Variants in RALGPS1 observed in about 807,000 individuals in gnomAD.
RALGPS1 encodes the protein ras-specific guanine nucleotide-releasing factor RalGPS1.
In RALGPS1, 19 loss-of-function variants were observed where a neutral mutation model predicts 78.8. The observed-to-expected ratio is 0.24, with a 90% confidence interval of 0.17 to 0.35. The LOEUF (loss-of-function observed/expected upper bound fraction) is 0.35. RALGPS1 is among the 10% of genes least tolerant of loss of function. The pLI, the probability that RALGPS1 is intolerant of heterozygous loss-of-function variation, is 1.00. For missense variants in RALGPS1, 454 were observed against 688.3 expected (o/e 0.66, Z 3.81); for synonymous variants, 228 against 256.3 (o/e 0.89, Z 1.06).
At chr9:127,117,642 G>C (rs927718657) in intron 8 of RALGPS1, among the ~76,000 whole-genome samples, 4 of 152,250 alleles carry the variant, frequency 2.6e-5, no homozygotes, top group South Asian at 2.1e-4. Flanking sequence ...GAGAGGAATG[G>C]TGTGGCACCC....
At chr9:127,038,968 C>T (rs1470918081) in intron 5 of RALGPS1, among the ~76,000 whole-genome samples, 1 of 152,148 alleles carries the variant, frequency 6.6e-6, no homozygotes, top group Non-Finnish European at 1.5e-5. Context: ...ATCCTTGAGA[C>T]AGTGAACACA....
chr9:127,002,406 A>G (rs2043397608), intron 4 of RALGPS1, among the ~76,000 whole-genome samples: 1 of 142,484 alleles, frequency 7.0e-6, no homozygotes, highest in African/African-American at 2.6e-5. Flanking sequence ...GTTTGGAGCT[A>G]TTATGAGTAG....
At chr9:127,034,410 A>G in intron 4 of RALGPS1, 21 bp from the exon 5 acceptor site, 5 of 1,607,032 alleles carry the variant, frequency 3.1e-6, no homozygotes, top group Admixed American at 1.7e-5. Context: ...TCACTGTTGA[A>G]ATTCATTCTG....
chr9:126,932,953 C>T (rs2035929135), intron 1 of RALGPS1, among the ~76,000 whole-genome samples: 1 of 152,146 alleles, frequency 6.6e-6, no homozygotes, highest in South Asian at 2.1e-4. Flanking sequence ...GGGTGAGCTT[C>T]ATGCTATTCA....
intron 1 of RALGPS1, among the ~76,000 whole-genome samples, chr9:126,950,926 CTAATAAAGAA>C (rs1484688687): frequency 6.6e-6 from 1 of 150,672 alleles, no homozygotes; most frequent in Non-Finnish European, 1.5e-5. Context: ...GCTAGCAAGA[CTAATAAAGAA>C]AAAAAGAGAG....
At chr9:127,186,355 C>T (rs1199313580) in intron 11 of RALGPS1, among the ~76,000 whole-genome samples, 3 of 152,198 alleles carry the variant, frequency 2.0e-5, no homozygotes, top group African/African-American at 4.8e-5. Flanking sequence ...TCCAGCTGTC[C>T]GTGCCATATC....
chr9:127,105,833 A>G (rs1206978787), intron 8 of RALGPS1, among the ~76,000 whole-genome samples: 1 of 152,178 alleles, frequency 6.6e-6, no homozygotes, highest in East Asian at 1.9e-4. Flanking sequence ...AGGGACCACA[A>G]TTGTCACCTA....
Position 127,214,753 on chromosome 9 carries a change from A to C in RALGPS1, c.1555A>C (p.Asn519His). The change falls in exon 18 of 19, where the codon AAT (asparagine) becomes CAT (histidine). Residue 519 changes from asparagine (N) to histidine (H), a missense_variant and splice_region_variant. Physicochemically the swap from Asn to His is moderately conservative, Grantham distance 68. Transcript: ENST00000259351. Reference protein sequence around the residue: ...IFQLNNPDKGNVYKFQTGSRF... With the variant: ...IFQLNNPDKGHVYKFQTGSRF... ...CTCATGGTTTCTCTACCCATCAGGC[A>C]ATGTTTACAAGTTTCAGACTGGTTC... 6.2e-7 allele frequency: 1 copy of C among 1,606,634 alleles called. No homozygotes were observed.
intron 1 of RALGPS1, among the ~76,000 whole-genome samples, chr9:126,917,836 G>C (rs1462173534): frequency 1.3e-5 from 2 of 152,190 alleles, no homozygotes; most frequent in African/African-American, 4.8e-5. Flanking sequence ...TCCAGACCTT[G>C]GGTTTCTTAG....
chr9:126,929,008 A>G (rs1431497638), intron 1 of RALGPS1, among the ~76,000 whole-genome samples: 2 of 152,054 alleles, frequency 1.3e-5, no homozygotes, highest in Non-Finnish European at 2.9e-5. Context: ...TATTGCATGG[A>G]TTTGGTGGCA....
chr9:126,932,066 T>G (rs755736834), intron 1 of RALGPS1, among the ~76,000 whole-genome samples: 3 of 152,184 alleles, frequency 2.0e-5, no homozygotes, highest in Admixed American at 6.5e-5. Flanking sequence ...GTGGAAACCT[T>G]AGCATATTTG....
intron 8 of RALGPS1, chr9:127,089,037 A>G: frequency 6.2e-7 from 1 of 1,614,212 alleles, no homozygotes; most frequent in Non-Finnish European, 8.5e-7. Flanking sequence ...CCGTCCTGGT[A>G]GCGGCTCCGG....
chr9:127,022,211 C>T (rs1175673773), intron 4 of RALGPS1, among the ~76,000 whole-genome samples: 1 of 152,076 alleles, frequency 6.6e-6, no homozygotes, highest in Admixed American at 6.5e-5. Flanking sequence ...TCTGGGGCCT[C>T]GGGAGGCCCT....
At chr9:126,949,324 A>G (rs1370886253) in intron 1 of RALGPS1, among the ~76,000 whole-genome samples, 3 of 152,136 alleles carry the variant, frequency 2.0e-5, no homozygotes, top group African/African-American at 7.2e-5. Context: ...TTGGGTATAT[A>G]CCCAGTAATG....
intron 7 of RALGPS1, among the ~76,000 whole-genome samples, chr9:127,057,588 C>T (rs941630798): frequency 6.6e-6 from 1 of 152,172 alleles, no homozygotes; most frequent in African/African-American, 2.4e-5. Context: ...CCATAGCTGG[C>T]CTGGAAAAAT....
intron 7 of RALGPS1, among the ~76,000 whole-genome samples, chr9:127,067,032 A>C (rs1277572615): frequency 6.6e-6 from 1 of 152,120 alleles, no homozygotes; most frequent in Non-Finnish European, 1.5e-5. Flanking sequence ...CCTGTGTTGA[A>C]TCAAGTTCCC....
chr9:127,127,244 G>A (rs752636227), intron 8 of RALGPS1, among the ~76,000 whole-genome samples: 2 of 152,134 alleles, frequency 1.3e-5, no homozygotes, highest in Non-Finnish European at 2.9e-5. Flanking sequence ...GTGTGTCACC[G>A]TGAACTGGGA....
intron 8 of RALGPS1, among the ~76,000 whole-genome samples, chr9:127,102,867 C>G (rs537432551): frequency 6.6e-6 from 1 of 152,198 alleles, no homozygotes; most frequent in African/African-American, 2.4e-5. Flanking sequence ...TTAACAAAAC[C>G]TTTTAGAATA....
At chr9:127,207,846 C>T (rs1297884989) in intron 14 of RALGPS1, among the ~76,000 whole-genome samples, 1 of 152,224 alleles carries the variant, frequency 6.6e-6, no homozygotes, top group Non-Finnish European at 1.5e-5. Flanking sequence ...GGCCTGGGGT[C>T]GCTCCCCGTG....
Sources: gnomAD v4.1 joint callset for allele counts (sites outside exome capture counted in the v4.1 genomes callset) on GRCh38, gnomAD v4.1.1 for gene constraint, MANE v1.5 for transcripts, NCBI Gene and HGNC (gene_info 2026-07-23, HGNC 2026-07-21) for gene names.